PDCD6: variants seen among roughly 807,000 people sequenced by gnomAD.
PDCD6 encodes programmed cell death 6.
Under a neutral mutation model 28.3 loss-of-function variants are expected in PDCD6, and 12 were observed. The ratio of observed to expected loss-of-function variants is 0.42; its 90% CI spans 0.27 to 0.69. The LOEUF is 0.69. Among genes scored for constraint, PDCD6 ranks in the 30% least tolerant of loss-of-function variants. PDCD6 has a pLI of 0.22. For synonymous variants in PDCD6, 92 were observed against 108.0 expected (o/e 0.85, Z 0.92); for missense variants, 226 against 269.9 (o/e 0.84, Z 1.14).
rs190172815 is a variant in PDCD6, at chr5:289,618, T to C, written c.164-14559T>C. 1,771 of 1,107,530 alleles carry C rather than the reference T, an allele frequency of 1.6e-3. 2 individuals are homozygous for C. Among genetic ancestry groups the C allele is most frequent in the Non-Finnish European group, 2.3e-3 (1,639 of 721,988 alleles). The allele number at this position is 1,107,530 out of a possible 1,614,324, so 68.6% of individuals were successfully genotyped here. A position where few individuals can be genotyped will look rare whatever the true frequency, so the allele number is the denominator to read the frequency against. On this transcript the variant is annotated intron_variant, in intron 2 of 5. Transcript: ENST00000264933. ...CTCATGCCCCTCAGCTTCCACAGCA[T>C]CTTCATCTGGATGTTTATTTTTCAA... is the stretch of plus-strand genomic sequence containing the variant.
chr5:292,906 T>C (rs1213665987), intron 2 of PDCD6, among the ~76,000 whole-genome samples: 2 of 152,226 alleles, frequency 1.3e-5, no homozygotes, highest in Non-Finnish European at 2.9e-5. Context: ...TAGAGGCCCT[T>C]GGTTGAGGGT....
intron 2 of PDCD6, among the ~76,000 whole-genome samples, chr5:296,881 C>T (rs1215285611): frequency 1.3e-5 from 2 of 151,990 alleles, no homozygotes; most frequent in South Asian, 2.1e-4. Flanking sequence ...CACCGGGATT[C>T]GTCTTTATGC....
intron 2 of PDCD6, among the ~76,000 whole-genome samples, chr5:294,037 G>A (rs1188499332): frequency 2.0e-5 from 3 of 148,808 alleles, no homozygotes; most frequent in African/African-American, 7.7e-5. Flanking sequence ...GGCCATGGCT[G>A]ACACAAAATG....
chr5:278,596 C>T (rs1459649820), intron 2 of PDCD6, among the ~76,000 whole-genome samples: 8 of 150,996 alleles, frequency 5.3e-5, no homozygotes, highest in Non-Finnish European at 1.0e-4. Context: ...ATCTGTAGTC[C>T]CAGCCACTGG....
rs1041788274 is a variant in PDCD6, at chr5:275,983, T to A, written c.163+3211T>A. The A allele has an allele frequency of 8.6e-6, 11 of 1,286,274 alleles. No homozygotes were observed. The African/African-American group carries it at 1.7e-4, about 20-fold the overall frequency. The allele number at this position is 1,286,274 out of a possible 1,614,324, so 79.7% of individuals were successfully genotyped here. ...TCCTCCACCCCTTTGCTTTGGGCTC[T>A]AAGCTTCTTCTGCCTTTCATCTCTG... On this transcript the variant is annotated intron_variant, in intron 2 of 5. Transcript: ENST00000264933.
chr5:278,777 G>T (rs1738368861), intron 2 of PDCD6, among the ~76,000 whole-genome samples: 3 of 149,534 alleles, frequency 2.0e-5, no homozygotes, highest in South Asian at 4.3e-4. Flanking sequence ...AGGGGAGAGG[G>T]CTGGGGACAC....
intron 2 of PDCD6, among the ~76,000 whole-genome samples, chr5:294,126 A>G (rs112240783): frequency 0.23 from 34,137 of 149,264 alleles, 5,844 homozygotes; most frequent in African/African-American, 0.5. Flanking sequence ...GAAAATTTGT[A>G]TGGCCTGGGG....
chr5:285,102 C>G (rs1387943686), intron 2 of PDCD6, among the ~76,000 whole-genome samples: 1 of 149,226 alleles, frequency 6.7e-6, no homozygotes, highest in Non-Finnish European at 1.5e-5. Flanking sequence ...CACCAGGTCT[C>G]CAGCTGCACA....
rs1160880674 is a variant in PDCD6 at position 307,543 on chromosome 5, C to T, written c.367+783C>T. Reference sequence around the variant, plus strand: ...CATAGGGCCTGTCCACGGGGCTTCCCGTGCTGCTCTCAGGGCTGAGAGGAA... The same window carrying T: ...CATAGGGCCTGTCCACGGGGCTTCCTGTGCTGCTCTCAGGGCTGAGAGGAA... On this transcript the variant is annotated intron_variant, in intron 4 of 5. Coordinates refer to ENST00000264933, the MANE Select transcript of PDCD6 (RefSeq NM_013232.4). This position sits in a 1 kb window ranked among gnomAD's most constrained non-coding sequence, Gnocchi z 6.1. 2.6e-5 allele frequency among the ~76,000 whole-genome samples: 4 copies of T among 152,306 alleles called. No individual in the cohort carries two copies. Among genetic ancestry groups the T allele is most frequent in the Admixed American group, 1.3e-4 (2 of 15,304 alleles).
chr5:301,900 C>G (rs188140023), intron 2 of PDCD6, among the ~76,000 whole-genome samples: 1 of 146,172 alleles, frequency 6.8e-6, no homozygotes, highest in East Asian at 2.1e-4. Context: ...GCCTCAGGTT[C>G]AGGTGCACCT....
chr5:275,170 C>G (rs994288401), intron 2 of PDCD6, among the ~76,000 whole-genome samples: 1 of 152,166 alleles, frequency 6.6e-6, no homozygotes, highest in Admixed American at 6.5e-5. Flanking sequence ...CCTGACCTCC[C>G]AACACTTTGG....
At chr5:313,297 G>T (rs1042826105) in intron 5 of PDCD6, among the ~76,000 whole-genome samples, 1 of 152,204 alleles carries the variant, frequency 6.6e-6, no homozygotes, top group Non-Finnish European at 1.5e-5. Context: ...CAAATAACAT[G>T]AACACTTCTA....
In PDCD6 at chr5:307,569, G is replaced by C. The variant is rs1479153664; in HGVS notation, c.367+809G>C. 1.3e-5 allele frequency among the ~76,000 whole-genome samples: 2 copies of C among 152,198 alleles called. No individual in the cohort carries two copies. Among genetic ancestry groups the C allele is most frequent in the African/African-American group, 4.8e-5 (2 of 41,456 alleles). On this transcript the variant is annotated intron_variant, in intron 4 of 5. Coordinates refer to ENST00000264933, the MANE Select transcript of PDCD6 (RefSeq NM_013232.4). The surrounding 1 kb of genome is among the most constrained non-coding windows in gnomAD (Gnocchi z 6.1). The stretch of plus-strand genomic sequence containing the variant: ...GTGCTGCTCTCAGGGCTGAGAGGAA[G>C]CAGGGGTTTTATTTACAGAGGAACA...
chr5:302,463 CT>C (rs1740151355), intron 2 of PDCD6, among the ~76,000 whole-genome samples: 1 of 107,578 alleles, frequency 9.3e-6, no homozygotes, highest in African/African-American at 5.5e-5. Context: ...TGCATAACTG[CT>C]GGAGGGCGGG....
Position 307,012 on chromosome 5 carries a change from G to C in PDCD6, c.367+252G>C, listed in dbSNP as rs1464298991. ...CCGTTCATCTTTTCTGAAGTGGAAT[G>C]ATGTCGTGAGCAAAACTGAGAATGT... is the stretch of plus-strand genomic sequence containing the variant. On this transcript the variant is annotated intron_variant, in intron 4 of 5. Transcript: ENST00000264933. The surrounding 1 kb of genome is among the most constrained non-coding windows in gnomAD (Gnocchi z 6.1). Among the ~76,000 whole-genome samples the C allele has an allele frequency of 2.0e-5, 3 of 152,222 alleles. No individual in the cohort carries two copies. The highest frequency in any genetic ancestry group is 2.9e-5 in the Non-Finnish European group (2 of 68,044).
intron 2 of PDCD6, among the ~76,000 whole-genome samples, chr5:282,279 G>T (rs375970003): frequency 0.013 from 1,830 of 145,312 alleles, 39 homozygotes; most frequent in African/African-American, 0.031. Flanking sequence ...AATCGGGGGG[G>T]GGGGAGCTGA....
At chr5:272,001 G>A (rs1481437311) in intron 1 of PDCD6, among the ~76,000 whole-genome samples, 180 bp downstream of exon 1, 1 of 132,644 alleles carries the variant, frequency 7.5e-6, no homozygotes, top group African/African-American at 2.8e-5. Context: ...TGCCCCAGCC[G>A]ACGCGGCCGC....
intron 2 of PDCD6, among the ~76,000 whole-genome samples, chr5:302,410 A>ATG (rs1740145920): frequency 1.3e-4 from 12 of 91,256 alleles, no homozygotes; most frequent in South Asian, 3.3e-4. Flanking sequence ...TGTATGCCTC[A>ATG]GGTTCAGGTG....
chr5:289,404 C>T (rs530879627), intron 2 of PDCD6: 12 of 658,420 alleles, frequency 1.8e-5, no homozygotes, highest in Non-Finnish European at 3.3e-5. Context: ...GATGGTCTCT[C>T]AATACCTTCT....
Sources: allele counts gnomAD v4.1 joint callset (sites outside exome capture counted in the v4.1 genomes callset), GRCh38; gene constraint gnomAD v4.1.1; non-coding constraint Gnocchi (gnomAD v3.1); transcripts MANE v1.5; gene names NCBI Gene and HGNC (gene_info 2026-07-23, HGNC 2026-07-21).